GRM5: variants seen among roughly 807,000 people sequenced by gnomAD.
GRM5 encodes glutamate metabotropic receptor 5, also known as metabotropic glutamate receptor 5.
In GRM5, 19 loss-of-function variants were observed where a neutral mutation model predicts 83.1. The observed-to-expected ratio is 0.23, with a 90% confidence interval of 0.16 to 0.34. The LOEUF (loss-of-function observed/expected upper bound fraction) is 0.34, where lower values mean the gene tolerates loss of function less well. GRM5 is among the 10% of genes least tolerant of loss of function. The pLI is 1.00. For missense variants in GRM5, 1,160 were observed against 1,588.3 expected (o/e 0.73, Z 4.58); for synonymous variants, 675 against 633.6 (o/e 1.07, Z -0.98).
intron 2 of GRM5, among the ~76,000 whole-genome samples, chr11:88,931,626 C>G (rs1003077123): frequency 6.6e-6 from 1 of 152,060 alleles, no homozygotes; most frequent in Non-Finnish European, 1.5e-5. Context: ...TAGCCCCACA[C>G]AGGGCTCTAA....
intron 3 of GRM5, among the ~76,000 whole-genome samples, chr11:88,831,376 A>G (rs1267961439): frequency 1.4e-4 from 21 of 152,226 alleles, no homozygotes; most frequent in Non-Finnish European, 1.5e-4. Flanking sequence ...TTGAACTCCC[A>G]GCCTCCTGCC....
intron 2 of GRM5, among the ~76,000 whole-genome samples, chr11:88,942,694 C>T (rs547783098): frequency 1.3e-5 from 2 of 151,404 alleles, no homozygotes; most frequent in African/African-American, 2.4e-5. Flanking sequence ...AATATAATGA[C>T]CTAGATTTGT....
At chr11:88,587,771 C>A (rs1943347886) in intron 7 of GRM5, among the ~76,000 whole-genome samples, 1 of 152,112 alleles carries the variant, frequency 6.6e-6, no homozygotes, top group Non-Finnish European at 1.5e-5. Flanking sequence ...ACACGAATAG[C>A]TGAGTTCTCC....
chr11:88,963,723 A>T (rs936065121), intron 2 of GRM5, among the ~76,000 whole-genome samples: 2 of 152,128 alleles, frequency 1.3e-5, no homozygotes, highest in East Asian at 3.9e-4. Context: ...GTGACCCTTT[A>T]TTCTATACAA....
At chr11:88,994,445 TTATATATATA>T (rs58154444) in intron 2 of GRM5, among the ~76,000 whole-genome samples, 1,153 of 86,914 alleles carry the variant, frequency 0.013, 10 homozygotes, top group African/African-American at 0.029. Context: ...CTTTAACTGA[TTATATATATA>T]TATATATATA....
chr11:88,722,896 G>T (rs908075619), intron 3 of GRM5, among the ~76,000 whole-genome samples: 3 of 151,706 alleles, frequency 2.0e-5, no homozygotes, highest in Non-Finnish European at 4.4e-5. Context: ...TTACTTTAGG[G>T]TTCACTCTGT....
At chr11:88,535,273 T>C (rs1942108981) in intron 8 of GRM5, among the ~76,000 whole-genome samples, 1 of 152,222 alleles carries the variant, frequency 6.6e-6, no homozygotes, top group Non-Finnish European at 1.5e-5. Flanking sequence ...CTTGCCACTT[T>C]ACTCATCAGT....
intron 3 of GRM5, among the ~76,000 whole-genome samples, chr11:88,747,983 A>T (rs753338273): frequency 6.6e-6 from 1 of 152,138 alleles, no homozygotes; most frequent in Non-Finnish European, 1.5e-5. Flanking sequence ...AAACAACCTG[A>T]CCCACGAAGA....
In GRM5 at chr11:88,601,679, T is replaced by C. The variant is rs1401368406; in HGVS notation, c.1394+3039A>G. Among the ~76,000 whole-genome samples the C allele has an allele frequency of 2.0e-5, 3 of 152,186 alleles. No homozygotes were observed. In the East Asian group the frequency reaches 5.8e-4, roughly 29 times the overall value. Reference sequence around the variant, plus strand: ...TAGTTTTTTGCTTTAATTAGTTAGTTGTACTCAGTCTAACATTGGGTGTCC... The same window carrying C: ...TAGTTTTTTGCTTTAATTAGTTAGTCGTACTCAGTCTAACATTGGGTGTCC... On this transcript the variant is annotated intron_variant, in intron 5 of 9. Coordinates refer to ENST00000305447, the MANE Select transcript of GRM5 (RefSeq NM_001143831.3).
chr11:88,954,119 T>C (rs3914009), intron 2 of GRM5, among the ~76,000 whole-genome samples: 1 of 152,256 alleles, frequency 6.6e-6, no homozygotes, highest in South Asian at 2.1e-4. Context: ...TTAGCAGTTT[T>C]ATTCAATGTT....
chr11:88,872,886 T>C (rs1158822571), intron 2 of GRM5, among the ~76,000 whole-genome samples: 1 of 150,344 alleles, frequency 6.7e-6, no homozygotes, highest in African/African-American at 2.4e-5. Context: ...TATATGTAAA[T>C]GAAATTCTTC....
chr11:88,629,786 T>A (rs1019628851), intron 4 of GRM5, among the ~76,000 whole-genome samples: 2 of 152,194 alleles, frequency 1.3e-5, no homozygotes, highest in Admixed American at 6.5e-5. Flanking sequence ...TACAGCTCCA[T>A]GGCAGTCAAT....
At chr11:88,648,550 G>T (rs1197956302) in intron 4 of GRM5, among the ~76,000 whole-genome samples, 1 of 133,620 alleles carries the variant, frequency 7.5e-6, no homozygotes, top group Non-Finnish European at 1.6e-5. Flanking sequence ...TATACCTAAT[G>T]CTAGATGACG....
At chr11:88,820,670 A>G (rs1943773371) in intron 3 of GRM5, among the ~76,000 whole-genome samples, 1 of 152,218 alleles carries the variant, frequency 6.6e-6, no homozygotes, top group South Asian at 2.1e-4. Flanking sequence ...TTGTGATGAA[A>G]ATTAAAGGAA....
chr11:88,972,362 T>A (rs1271614799), intron 2 of GRM5, among the ~76,000 whole-genome samples: 1 of 152,178 alleles, frequency 6.6e-6, no homozygotes. Flanking sequence ...CTGACTGAAA[T>A]TGGCCAGAAG....
intron 2 of GRM5, among the ~76,000 whole-genome samples, chr11:88,896,629 A>T (rs1945232457): frequency 6.6e-6 from 1 of 151,874 alleles, no homozygotes; most frequent in Non-Finnish European, 1.5e-5. Context: ...AGTTCTGAGG[A>T]CCAGAGGGCC....
intron 2 of GRM5, among the ~76,000 whole-genome samples, chr11:88,991,821 T>A (rs1048205849): frequency 5.3e-5 from 8 of 152,050 alleles, no homozygotes; most frequent in African/African-American, 1.7e-4. Flanking sequence ...TGTAGAAAGC[T>A]GAAACTAGAT....
In GRM5 at chr11:88,877,084, A is replaced by G. The variant is rs1349858080; in HGVS notation, c.662-26929T>C. ...TGGAAAGAGTAGCAGGGAAGAGGGG[A>G]GGGGAGAAGTCAGTCAAATGGAACA... On this transcript the variant is annotated intron_variant, in intron 2 of 9. Coordinates refer to ENST00000305447, the MANE Select transcript of GRM5 (RefSeq NM_001143831.3). Among the ~76,000 whole-genome samples the G allele has an allele frequency of 5.9e-5, 9 of 152,140 alleles. No individual in the cohort carries two copies. The South Asian group carries it at 1.2e-3, about 21-fold the overall frequency.
intron 2 of GRM5, among the ~76,000 whole-genome samples, chr11:89,030,325 T>C (rs1400876896): frequency 2.6e-5 from 4 of 152,146 alleles, no homozygotes; most frequent in Non-Finnish European, 5.9e-5. Context: ...TCTTTGGCTT[T>C]ATCAGTGGTT....
Sources: gnomAD v4.1 joint callset for allele counts (sites outside exome capture counted in the v4.1 genomes callset) on GRCh38, gnomAD v4.1.1 for gene constraint, MANE v1.5 for transcripts, NCBI Gene and HGNC (gene_info 2026-07-23, HGNC 2026-07-21) for gene names.